The following UNC79 variants were observed in gnomAD, a reference collection of about 807,000 sequenced individuals.
The protein encoded by UNC79 is protein unc-79 homolog.
UNC79 carries 37 observed loss-of-function variants against 283.1 expected under a neutral mutation model. That is an observed-to-expected ratio of 0.13 (90% CI 0.10 to 0.17). The LOEUF is 0.17. Ranked by LOEUF, UNC79 falls within the 10% of genes least tolerant of loss-of-function variation. The pLI is 1.00. For missense variants in UNC79, 2,272 were observed against 3,211.1 expected (o/e 0.71, Z 7.07); for synonymous variants, 1,107 against 1,200.2 (o/e 0.92, Z 1.61).
chr14:93,405,712 A>G (rs1259897746), intron 1 of UNC79, among the ~76,000 whole-genome samples: 1 of 152,368 alleles, frequency 6.6e-6, no homozygotes, highest in Middle Eastern at 3.4e-3. Context: ...GGAATTCACA[A>G]TGCCAATTAC....
intron 40 of UNC79, among the ~76,000 whole-genome samples, chr14:93,665,753 A>G (rs1174545053): frequency 2.6e-5 from 4 of 152,064 alleles, no homozygotes; most frequent in Non-Finnish European, 4.4e-5. Flanking sequence ...AAAAAGAACT[A>G]TCTACTTGGA....
In UNC79 at chr14:93,696,673, CT is replaced by C. The variant is rs535751796; in HGVS notation, c.7548+2262del. ...ATTTTTTATTGGGTTGGGTTTTTTC[CT>C]GATTACTGAAGTTTGAGATACAAGT... On this transcript the variant is annotated intron_variant, in intron 47 of 48. Transcript: ENST00000555664. Among the ~76,000 whole-genome samples, 20 of 151,876 alleles carry C rather than the reference CT, an allele frequency of 1.3e-4. No individual in the cohort carries two copies. In the South Asian group the frequency reaches 4.0e-3, roughly 30 times the overall value.
intron 7 of UNC79, among the ~76,000 whole-genome samples, chr14:93,502,038 T>C (rs1172557001): frequency 6.6e-6 from 1 of 152,200 alleles, no homozygotes; most frequent in East Asian, 1.9e-4. Flanking sequence ...ATAATAAGAA[T>C]TTGGTGATCT....
intron 1 of UNC79, among the ~76,000 whole-genome samples, chr14:93,396,695 G>T (rs776320604): frequency 2.6e-5 from 4 of 151,568 alleles, no homozygotes; most frequent in Non-Finnish European, 5.9e-5. Context: ...TAGCTTAGTG[G>T]TCAGCTAATT....
chr14:93,603,315 A>G, exon 26 of UNC79: 1 of 1,614,194 alleles, frequency 6.2e-7, no homozygotes, highest in African/African-American at 1.3e-5. Context: ...CTCGCTTTGC[A>G]AGAAACCGCC....
chr14:93,677,981 T>C (rs1229969049), intron 41 of UNC79, among the ~76,000 whole-genome samples: 2 of 152,112 alleles, frequency 1.3e-5, no homozygotes, highest in Non-Finnish European at 2.9e-5. Context: ...CAGTTGCTTT[T>C]TTTCTTGCCC....
At chr14:93,419,978 A>G (rs901970013) in intron 1 of UNC79, among the ~76,000 whole-genome samples, 2 of 151,624 alleles carry the variant, frequency 1.3e-5, no homozygotes, top group Non-Finnish European at 2.9e-5. Context: ...TCCCTTAAAA[A>G]CTAAAATAAG....
At chr14:93,687,969 C>G (rs1203103177) in intron 43 of UNC79, among the ~76,000 whole-genome samples, 1 of 152,114 alleles carries the variant, frequency 6.6e-6, no homozygotes, top group Non-Finnish European at 1.5e-5. Flanking sequence ...TTATCTAAGG[C>G]CATGGGACTA....
rs189784187 is a variant in UNC79, at chr14:93,403,997, A to G, written c.-350-63674A>G. 2.8e-3 allele frequency among the ~76,000 whole-genome samples: 430 copies of G among 152,198 alleles called. 1 individual carries two copies. The highest frequency in any genetic ancestry group is 4.1e-3 in the Non-Finnish European group (282 of 68,002). On this transcript the variant is annotated intron_variant, in intron 1 of 49. Coordinates refer to the UNC79 transcript ENST00000256339. ...GAGTAGGACTGTTTTCTAGCTGTAT[A>G]ACTTTTTGGAAACAAATAATCAAGG... is the stretch of plus-strand genomic sequence containing the variant.
chr14:93,394,856 C>T (rs2054961955), intron 1 of UNC79, among the ~76,000 whole-genome samples: 2 of 152,152 alleles, frequency 1.3e-5, no homozygotes, highest in African/African-American at 4.8e-5. Flanking sequence ...GGACTGCAGG[C>T]ATGTGCCACC....
At chr14:93,337,873 T>C (rs940851555) in intron 1 of UNC79, among the ~76,000 whole-genome samples, 20 of 152,136 alleles carry the variant, frequency 1.3e-4, no homozygotes, top group African/African-American at 4.8e-4. Context: ...CTTGTCCAGA[T>C]GCTGGTGCCC....
At chr14:93,615,317 A>G (rs914329789) in intron 27 of UNC79, among the ~76,000 whole-genome samples, 41 of 152,238 alleles carry the variant, frequency 2.7e-4, no homozygotes, top group African/African-American at 9.9e-4. Flanking sequence ...GATGCTGATA[A>G]CTGGATGGAT....
chr14:93,618,108 C>A (rs2066864771), intron 28 of UNC79, 84 bp from the exon 30 acceptor site: 43 of 1,454,546 alleles, frequency 3.0e-5, no homozygotes, highest in Non-Finnish European at 3.6e-5. Flanking sequence ...AGAGATACTG[C>A]AAAAAGTATC....
intron 5 of UNC79, among the ~76,000 whole-genome samples, chr14:93,495,028 A>T (rs1286437171): frequency 6.6e-6 from 1 of 152,056 alleles, no homozygotes; most frequent in Admixed American, 6.6e-5. Flanking sequence ...TATCAGAGGG[A>T]GAAAGTATGT....
rs923661961 is a variant in UNC79, at chr14:93,545,580, G to A, written c.1755+2884G>A. Among the ~76,000 whole-genome samples, 8 of 152,294 alleles carry A rather than the reference G, an allele frequency of 5.3e-5. No homozygotes were observed. The East Asian group carries it at 1.5e-3, about 29-fold the overall frequency. On this transcript the variant is annotated intron_variant, in intron 14 of 48. Transcript: ENST00000555664. ...GTAAGGCTGAGAATTCTGTAATGCA[G>A]GTATCGAATCTGTTTTTCCAAGAGG...
At chr14:93,546,205 T>C (rs2061594943) in intron 14 of UNC79, among the ~76,000 whole-genome samples, 1 of 152,232 alleles carries the variant, frequency 6.6e-6, no homozygotes, top group African/African-American at 2.4e-5. Context: ...TTAGCTGAAT[T>C]CAGGCTCCTT....
chr14:93,459,727 G>A (rs919473537), intron 1 of UNC79, among the ~76,000 whole-genome samples: 2 of 116,392 alleles, frequency 1.7e-5, no homozygotes, highest in East Asian at 2.2e-4. Context: ...CTGGACTGCA[G>A]TGGCGCTATC....
chr14:93,528,448 T>A, intron 8 of UNC79, 110 bp from the exon 9 acceptor site: 1 of 969,236 alleles, frequency 1.0e-6, no homozygotes, highest in Non-Finnish European at 1.5e-6. Flanking sequence ...AAATGTTTAT[T>A]CCACCTCGCT....
At position 93,532,542 on chromosome 14, in the gene UNC79, C is replaced by A; in HGVS notation, c.1094-8C>A. 1 of 1,610,094 alleles carries A rather than the reference C, an allele frequency of 6.2e-7. No homozygotes were observed. Reference sequence around the variant, plus strand: ...TTTGTTGATATTTTGTGTGCCTTCCCCTTACAGCTGAAATATCTGCTATAT... The same window carrying A: ...TTTGTTGATATTTTGTGTGCCTTCCACTTACAGCTGAAATATCTGCTATAT... On this transcript the variant is annotated splice_region_variant and splice_polypyrimidine_tract_variant and intron_variant, in intron 10 of 48. Coordinates refer to ENST00000555664, the Ensembl canonical transcript of UNC79.
Sources: allele counts gnomAD v4.1 joint callset (sites outside exome capture counted in the v4.1 genomes callset), GRCh38; gene constraint gnomAD v4.1.1; transcripts MANE v1.5; gene names NCBI Gene and HGNC (gene_info 2026-07-23, HGNC 2026-07-21).